GFM2: variants seen among roughly 807,000 people sequenced by gnomAD.
GFM2 encodes ribosome-releasing factor 2, mitochondrial.
Under a neutral mutation model 95.4 loss-of-function variants are expected in GFM2, and 72 were observed. The observed-to-expected ratio is 0.76, with a 90% CI of 0.62 to 0.92. The LOEUF (loss-of-function observed/expected upper bound fraction) is 0.92. GFM2 is among the 40% of genes least tolerant of loss of function. The pLI is 0.00. For missense variants in GFM2, 825 were observed against 924.1 expected, an observed-to-expected ratio of 0.89 and a Z score of 1.39; for synonymous variants, 276 against 317.5, an observed-to-expected ratio of 0.87 and a Z score of 1.39.
Position 74,758,420 on chromosome 5 carries a change from T to C in GFM2, c.304+429A>G, listed in dbSNP as rs144416852. Among the ~76,000 whole-genome samples, 454 of 152,296 alleles carry C rather than the reference T, an allele frequency of 3.0e-3. 14 individuals are homozygous for C. The highest frequency in any genetic ancestry group is 0.024 in the Admixed American group (369 of 15,308). On this transcript the variant is annotated intron_variant, in intron 5 of 20. Coordinates refer to ENST00000296805, the MANE Select transcript of GFM2 (RefSeq NM_032380.5). ...CCTATGAAGTTATAACAAGAGACAT[T>C]CATTCCTATGGGGCATGAATCTTCT...
rs1749970012 is a variant in GFM2 at position 74,722,757 on chromosome 5, A to G, written c.2029-196T>C. The G allele has an allele frequency of 8.0e-6, 4 of 498,004 alleles. No homozygotes were observed. The South Asian group carries it at 8.6e-5, about 11-fold the overall frequency. The allele number at this position is 498,004 out of a possible 1,614,324, so 30.8% of individuals were successfully genotyped here. ...AGAATTTATAGATCTTTTGTATGGT[A>G]TGATGCAAGGGGATGTTTATAAAAA... is the stretch of plus-strand genomic sequence containing the variant. On this transcript the variant is annotated intron_variant, in intron 19 of 20. Transcript: ENST00000296805.
In GFM2 at chr5:74,742,812, G is replaced by A. The variant is rs147446136; in HGVS notation, c.850-1203C>T. The stretch of plus-strand genomic sequence containing the variant: ...CTCCTGAGTAGCTAGGATTACAGGC[G>A]CGTGCCACCACGCCCAGCTAATTTT... On this transcript the variant is annotated intron_variant, in intron 10 of 20. Coordinates refer to ENST00000296805, the MANE Select transcript of GFM2 (RefSeq NM_032380.5). 7.2e-5 allele frequency among the ~76,000 whole-genome samples: 11 copies of A among 152,094 alleles called. No individual in the cohort carries two copies. The East Asian group carries it at 2.1e-3, about 29-fold the overall frequency.
intron 19 of GFM2, among the ~76,000 whole-genome samples, chr5:74,722,995 A>C (rs1749984786): frequency 6.6e-6 from 1 of 152,212 alleles, no homozygotes; most frequent in Non-Finnish European, 1.5e-5. Flanking sequence ...ATCTTTTCTT[A>C]TTTAGAATCT....
chr5:74,765,558 T>A (rs180792368), intron 1 of GFM2, among the ~76,000 whole-genome samples: 1 of 152,218 alleles, frequency 6.6e-6, no homozygotes, highest in East Asian at 1.9e-4. Context: ...GGGAGGAAAT[T>A]CGGGGGATTG....
chr5:74,734,634 G>C (rs1742742770), intron 15 of GFM2, among the ~76,000 whole-genome samples: 1 of 152,168 alleles, frequency 6.6e-6, no homozygotes, highest in Non-Finnish European at 1.5e-5. Context: ...CAGAGTACAT[G>C]CGTATGACAC....
At chr5:74,752,719 C>G (rs1484140603) in intron 5 of GFM2, among the ~76,000 whole-genome samples, 1 of 152,136 alleles carries the variant, frequency 6.6e-6, no homozygotes, top group Non-Finnish European at 1.5e-5. Context: ...AACCTTGGAT[C>G]AGCAAGTTCT....
At chr5:74,743,756 T>A (rs1743227795) in intron 10 of GFM2, among the ~76,000 whole-genome samples, 1 of 152,198 alleles carries the variant, frequency 6.6e-6, no homozygotes, top group African/African-American at 2.4e-5. Context: ...AAAAGCAGTA[T>A]AACAAAGCGG....
chr5:74,763,614 G>A, intron 2 of GFM2, 66 bp downstream of exon 2: 1 of 863,086 alleles, frequency 1.2e-6, no homozygotes. Context: ...GAGATATACT[G>A]GGCATTTTAG....
chr5:74,751,448 C>T lies in GFM2; in HGVS notation c.350G>A (p.Arg117Gln), dbSNP rs760564693. 7.5e-6 allele frequency: 12 copies of T among 1,609,808 alleles called. No homozygotes were observed. In the Admixed American group the frequency reaches 8.3e-5, roughly 11 times the overall value. The change falls in exon 6 of 21, where the codon CGA becomes CAA. Residue 117 changes from arginine to glutamine, a missense_variant. By Grantham distance (43) the Arg-to-Gln change is conservative. Coordinates refer to ENST00000296805, the MANE Select transcript of GFM2 (RefSeq NM_032380.5). ...DTVTDFMAQERERGITIQSAA... is the reference protein window; with the variant it reads ...DTVTDFMAQEQERGITIQSAA... ...TGATTGAATAGTAATGCCTCTTTCTCGCTCTTGGGCCATGAAATCTGTCAC... is the reference window on the plus strand; with the variant it reads ...TGATTGAATAGTAATGCCTCTTTCTTGCTCTTGGGCCATGAAATCTGTCAC...
chr5:74,725,734 A>G lies in GFM2; in HGVS notation c.1934T>C (p.Ile645Thr), dbSNP rs1378417445. The G allele has an allele frequency of 6.2e-7, 1 of 1,613,370 alleles. No individual in the cohort carries two copies. The highest frequency in any genetic ancestry group is 8.5e-7 in the Non-Finnish European group (1 of 1,179,526). ...CLQGPLLGSP[I>T]QDVAITLHSL... ...ATGTAAAGTAATTGCTACATCCTGA[A>G]TTGGGGATCCAAGCAATGGTCCTAG... Residue 645 changes from isoleucine to threonine, a missense_variant, in exon 19 of 21, where the codon ATT (isoleucine) becomes ACT (threonine). By Grantham distance (89) the Ile-to-Thr change is moderately conservative (BLOSUM62 -1). Coordinates refer to ENST00000296805, the MANE Select transcript of GFM2 (RefSeq NM_032380.5).
In GFM2 at chr5:74,746,164, A is replaced by G. The variant is rs746873236; in HGVS notation, c.610T>C (p.Phe204Leu). Residue 204 changes from phenylalanine (F) to leucine (L), a missense_variant and splice_region_variant, in exon 9 of 21, where the codon TTT (phenylalanine) becomes CTT (leucine). By Grantham distance (22) the Phe-to-Leu change is conservative. Transcript: ENST00000296805. ...LNKMDKTGAS[F>L]KYAVESIREK... ...CTGATGCTTTCAACTGCATACTTAA[A>G]GCTGTAGAAAGCAAAATAATTATAG... 1 of 1,479,854 alleles carries G rather than the reference A, an allele frequency of 6.8e-7. No homozygotes were observed. Among genetic ancestry groups the G allele is most frequent in the Admixed American group, 2.5e-5 (1 of 40,800 alleles). 91.7% of individuals were successfully genotyped at this position (1,479,854 alleles called of 1,614,324 possible).
chr5:74,763,310 AAG>A (rs1163953114), intron 2 of GFM2, among the ~76,000 whole-genome samples: 1 of 152,226 alleles, frequency 6.6e-6, no homozygotes, highest in Non-Finnish European at 1.5e-5. Flanking sequence ...TTTATTTCAT[AAG>A]AGTCTCAATC....
At chr5:74,760,147 CA>C (rs1214149163) in intron 3 of GFM2, among the ~76,000 whole-genome samples, 1 of 152,016 alleles carries the variant, frequency 6.6e-6, no homozygotes, top group African/African-American at 2.4e-5. Context: ...TTCTATAATA[CA>C]AAAAGGAGAA....
In GFM2 at chr5:74,738,502, G is replaced by A. The variant is rs759625706; in HGVS notation, c.1220C>T (p.Thr407Met). 33 of 1,612,122 alleles carry A rather than the reference G, an allele frequency of 2.0e-5. No homozygotes were observed. The highest frequency in any genetic ancestry group is 7.7e-5 in the South Asian group (7 of 90,686). ...TAAAATAATCTAAGCTTCTACTTAC[G>A]TGCAGTTTCCATTAATATTATGAAT... The part of the protein sequence containing the change: ...LAIHNINGNC[T>M]ERISRLLLPF... The change falls in exon 13 of 21, where the codon ACG (threonine) becomes ATG (methionine). Residue 407 changes from threonine (T) to methionine (M), a missense_variant and splice_region_variant. Thr to Met is a moderately conservative substitution (Grantham distance 81). Transcript: ENST00000296805.
intron 19 of GFM2, 108 bp downstream of exon 19, chr5:74,725,532 A>T (rs1181861515): frequency 3.1e-6 from 2 of 638,556 alleles, no homozygotes; most frequent in Non-Finnish European, 5.5e-6. Context: ...AAGGCTGAGG[A>T]GGCAAAGACA....
chr5:74,751,141 C>T (rs1047236356), intron 6 of GFM2, among the ~76,000 whole-genome samples: 1 of 152,070 alleles, frequency 6.6e-6, no homozygotes, highest in Middle Eastern at 3.2e-3. Context: ...GAATTGTTGT[C>T]CAATGAATAT....
intron 15 of GFM2, chr5:74,736,482 T>C (rs1167134587): frequency 5.1e-6 from 5 of 985,122 alleles, no homozygotes; most frequent in Non-Finnish European, 6.0e-6. Flanking sequence ...TGGTTATGAA[T>C]CAGTTACTGT....
intron 5 of GFM2, among the ~76,000 whole-genome samples, chr5:74,752,379 C>T (rs1743763483): frequency 6.6e-6 from 1 of 151,992 alleles, no homozygotes; most frequent in Non-Finnish European, 1.5e-5. Flanking sequence ...GCTAGTTGCC[C>T]CATATATGTG....
intron 5 of GFM2, among the ~76,000 whole-genome samples, chr5:74,756,461 T>C (rs1349921116): frequency 1.3e-5 from 2 of 152,194 alleles, no homozygotes; most frequent in Non-Finnish European, 2.9e-5. Flanking sequence ...GCTGGTTCCA[T>C]ATTTTTGCGA....
Sources: gnomAD v4.1 joint callset for allele counts (sites outside exome capture counted in the v4.1 genomes callset) on GRCh38, gnomAD v4.1.1 for gene constraint, MANE v1.5 for transcripts, NCBI Gene and HGNC (gene_info 2026-07-23, HGNC 2026-07-21) for gene names.